PRKCE: variants seen among roughly 807,000 people sequenced by gnomAD.
PRKCE encodes protein kinase C epsilon type.
Under a neutral mutation model 85.4 loss-of-function variants are expected in PRKCE, and 16 were observed. The observed-to-expected ratio is 0.19, with a 90% confidence interval of 0.13 to 0.28. The LOEUF (loss-of-function observed/expected upper bound fraction) is 0.28, where lower values mean the gene tolerates loss of function less well. Ranked by LOEUF, PRKCE falls within the 10% of genes least tolerant of loss-of-function variation. PRKCE has a pLI of 1.00. For synonymous variants in PRKCE, 388 were observed against 371.5 expected, an observed-to-expected ratio of 1.04 and a Z score of -0.51; for missense variants, 573 against 975.2, an observed-to-expected ratio of 0.59 and a Z score of 5.49.
At chr2:45,955,475 A>G (rs1045849260) in intron 2 of PRKCE, among the ~76,000 whole-genome samples, 2 of 148,078 alleles carry the variant, frequency 1.4e-5, no homozygotes, top group Non-Finnish European at 2.9e-5. Context: ...CTGAACTCTT[A>G]TGTTTATAGT....
intron 1 of PRKCE, among the ~76,000 whole-genome samples, chr2:45,655,367 T>A (rs1295532896): frequency 1.3e-5 from 2 of 149,776 alleles, no homozygotes; most frequent in African/African-American, 4.9e-5. Context: ...TTTTTTTTTT[T>A]AGCTTATCAG....
At chr2:45,810,420 C>G (rs985115368) in intron 1 of PRKCE, among the ~76,000 whole-genome samples, 4 of 152,064 alleles carry the variant, frequency 2.6e-5, no homozygotes, top group Admixed American at 2.6e-4. Context: ...TTTTATTTAA[C>G]TAATTAATTA....
chr2:46,153,800 T>A (rs1676891525), intron 13 of PRKCE, among the ~76,000 whole-genome samples: 4 of 140,564 alleles, frequency 2.8e-5, no homozygotes, highest in Non-Finnish European at 1.6e-5. Flanking sequence ...TTTTTTTTTT[T>A]TTTTGAGACC....
At chr2:45,724,863 A>C (rs1274920819) in intron 1 of PRKCE, among the ~76,000 whole-genome samples, 1 of 152,244 alleles carries the variant, frequency 6.6e-6, no homozygotes, top group Non-Finnish European at 1.5e-5. Context: ...ACGTTTAAGG[A>C]AAGAAGCCAT....
chr2:45,988,552 G>C (rs1574132292), intron 6 of PRKCE, among the ~76,000 whole-genome samples: 2 of 152,182 alleles, frequency 1.3e-5, no homozygotes, highest in South Asian at 4.1e-4. Flanking sequence ...AGCCACAGAG[G>C]GGCCAGACCC....
In PRKCE at chr2:45,725,556, A is replaced by G. The variant is rs528112679; in HGVS notation, c.348+73108A>G. On this transcript the variant is annotated intron_variant, in intron 1 of 14. Coordinates refer to ENST00000306156, the MANE Select transcript of PRKCE (RefSeq NM_005400.3). ...GAAAGGATTCACCATTCTAGATGCC[A>G]TTAAGAACACTCACATCTGTAATCC... Among the ~76,000 whole-genome samples the G allele has an allele frequency of 1.1e-3, 160 of 152,276 alleles. 2 individuals carry two copies. In the South Asian group the frequency reaches 0.03, roughly 29 times the overall value.
chr2:46,013,082 A>C (rs1034976565), intron 10 of PRKCE, among the ~76,000 whole-genome samples: 1 of 152,236 alleles, frequency 6.6e-6, no homozygotes, highest in Non-Finnish European at 1.5e-5. Context: ...TAACAGATGC[A>C]TATTCACTGA....
At chr2:46,173,359 A>G (rs1679108641) in intron 14 of PRKCE, among the ~76,000 whole-genome samples, 1 of 152,142 alleles carries the variant, frequency 6.6e-6, no homozygotes, top group African/African-American at 2.4e-5. Flanking sequence ...AATATTTACT[A>G]CCTGGCCTTT....
At chr2:45,724,908 G>C (rs186816775) in intron 1 of PRKCE, among the ~76,000 whole-genome samples, 25 of 152,356 alleles carry the variant, frequency 1.6e-4, no homozygotes, top group Non-Finnish European at 2.8e-4. Context: ...GAAGCAGCAA[G>C]TGCTGATGGA....
chr2:45,862,079 A>G (rs943033596), intron 2 of PRKCE, among the ~76,000 whole-genome samples: 7 of 152,056 alleles, frequency 4.6e-5, no homozygotes, highest in Non-Finnish European at 7.4e-5. Context: ...CTTTTAACTC[A>G]TTAACATTTT....
intron 10 of PRKCE, among the ~76,000 whole-genome samples, chr2:46,058,577 G>C (rs1196056503): frequency 6.6e-6 from 1 of 152,222 alleles, no homozygotes; most frequent in Non-Finnish European, 1.5e-5. Flanking sequence ...GTGAACGCCA[G>C]ACTCATTCTG....
At chr2:46,129,831 C>T (rs1394069708) in intron 11 of PRKCE, among the ~76,000 whole-genome samples, 8 of 152,316 alleles carry the variant, frequency 5.3e-5, no homozygotes, top group Non-Finnish European at 7.3e-5. Flanking sequence ...GCTGCCATTC[C>T]GATTTATTAT....
chr2:45,919,697 T>G (rs1396569670), intron 2 of PRKCE, among the ~76,000 whole-genome samples: 1 of 152,198 alleles, frequency 6.6e-6, no homozygotes, highest in Non-Finnish European at 1.5e-5. Context: ...CCCAACCTTT[T>G]CTTGGAAAAT....
chr2:45,720,546 A>C (rs1014723224), intron 1 of PRKCE, among the ~76,000 whole-genome samples: 1 of 152,140 alleles, frequency 6.6e-6, no homozygotes, highest in Non-Finnish European at 1.5e-5. Context: ...AATGCCAGTA[A>C]TTCATGGTCA....
Position 45,907,188 on chromosome 2 carries a change from G to A in PRKCE, c.412+64125G>A, listed in dbSNP as rs76088250. ...CAGGCCAGTGATGGAAAGAAAGCCC[G>A]AGAGAAGAGAAAAATGAAGCTTTAA... is the stretch of plus-strand genomic sequence containing the variant. On this transcript the variant is annotated intron_variant, in intron 2 of 14. Transcript: ENST00000306156. This position sits in a 1 kb window ranked among gnomAD's most constrained non-coding sequence, Gnocchi z 4.5. Among the ~76,000 whole-genome samples, 1,551 of 152,296 alleles carry A rather than the reference G, an allele frequency of 0.01. 29 individuals carry two copies. The highest frequency in any genetic ancestry group is 0.035 in the African/African-American group (1,473 of 41,560).
chr2:45,789,540 G>A (rs1226621436), intron 1 of PRKCE, among the ~76,000 whole-genome samples: 1 of 152,208 alleles, frequency 6.6e-6, no homozygotes, highest in African/African-American at 2.4e-5. Context: ...TGAGGCAGGA[G>A]GATTGTTTGA....
At chr2:45,711,392 T>A (rs574099400) in intron 1 of PRKCE, among the ~76,000 whole-genome samples, 2 of 152,210 alleles carry the variant, frequency 1.3e-5, no homozygotes, top group Non-Finnish European at 2.9e-5. Flanking sequence ...CTGCTACCTA[T>A]GACCTGGGTG....
intron 11 of PRKCE, among the ~76,000 whole-genome samples, chr2:46,089,665 G>A (rs1184965710): frequency 6.6e-6 from 1 of 152,040 alleles, no homozygotes; most frequent in Non-Finnish European, 1.5e-5. Context: ...CAGGCCGCGG[G>A]TTGGGGAAGG....
At chr2:45,785,745 C>CTG (rs1686552114) in intron 1 of PRKCE, among the ~76,000 whole-genome samples, 1 of 152,150 alleles carries the variant, frequency 6.6e-6, no homozygotes, top group Non-Finnish European at 1.5e-5. Context: ...GCCAGTGGCA[C>CTG]TGAGAGATGC....
Sources: allele counts gnomAD v4.1 joint callset (sites outside exome capture counted in the v4.1 genomes callset), GRCh38; gene constraint gnomAD v4.1.1; non-coding constraint Gnocchi (gnomAD v3.1); transcripts MANE v1.5; gene names NCBI Gene and HGNC (gene_info 2026-07-23, HGNC 2026-07-21).